Variants in TENM2 observed in about 807,000 individuals in gnomAD.
TENM2 encodes the protein teneurin-2.
In TENM2, 52 loss-of-function variants were observed where a neutral mutation model predicts 245.2. That is an observed-to-expected ratio of 0.21 (90% CI 0.17 to 0.27). The LOEUF is 0.27. Among genes scored for constraint, TENM2 ranks in the 10% least tolerant of loss-of-function variants. The pLI is 1.00. For missense variants in TENM2, 3,046 were observed against 3,666.8 expected, an observed-to-expected ratio of 0.83 and a Z score of 4.37; for synonymous variants, 1,363 against 1,438.9, an observed-to-expected ratio of 0.95 and a Z score of 1.19.
intron 2 of TENM2, among the ~76,000 whole-genome samples, chr5:167,532,871 A>T (rs1771612415): frequency 6.6e-6 from 1 of 150,392 alleles, no homozygotes; most frequent in Admixed American, 6.7e-5. Flanking sequence ...GTATAATCTA[A>T]TCTAGATGAT....
chr5:167,168,651 T>C, the TENM2 span, among the ~76,000 whole-genome samples: 1 of 152,232 alleles, frequency 6.6e-6, no homozygotes, highest in Non-Finnish European at 1.5e-5. Flanking sequence ...TGGAAGGAAC[T>C]TTGCTTCTTT....
chr5:168,204,613 G>A (rs560168744), exon 19 of TENM2: 411 of 1,613,506 alleles, frequency 2.5e-4, no homozygotes, highest in Non-Finnish European at 3.3e-4. Flanking sequence ...CCAGCATCTT[G>A]GAGTTACGGT....
chr5:167,951,049 T>C (rs940970334), intron 3 of TENM2, among the ~76,000 whole-genome samples: 1 of 152,202 alleles, frequency 6.6e-6, no homozygotes, highest in African/African-American at 2.4e-5. Flanking sequence ...TTCCTCCACA[T>C]TTTTCCTTCT....
chr5:167,090,688 A>G, the TENM2 span, among the ~76,000 whole-genome samples: 6 of 152,194 alleles, frequency 3.9e-5, no homozygotes, highest in Non-Finnish European at 4.4e-5. Context: ...TGCCCATTAC[A>G]TTTCGTGAAA....
intron 2 of TENM2, among the ~76,000 whole-genome samples, chr5:167,823,398 GCACACACAGA>G (rs1225951315): frequency 1.3e-5 from 2 of 151,942 alleles, no homozygotes; most frequent in Admixed American, 1.3e-4. Context: ...TCACACACAC[GCACACACAGA>G]CACACACAAT....
intron 2 of TENM2, among the ~76,000 whole-genome samples, chr5:167,686,582 T>G (rs986335057): frequency 1.4e-4 from 22 of 152,190 alleles, no homozygotes; most frequent in African/African-American, 4.8e-4. Flanking sequence ...TGAGGCCTGA[T>G]GTGTTTCTAT....
chr5:167,207,330 G>T, the TENM2 span, among the ~76,000 whole-genome samples: 2 of 152,180 alleles, frequency 1.3e-5, no homozygotes, highest in South Asian at 2.1e-4. Context: ...GAAAGAGAAC[G>T]CATGAGTATA....
At chr5:167,006,148 T>C in the TENM2 span, among the ~76,000 whole-genome samples, 2 of 151,988 alleles carry the variant, frequency 1.3e-5, no homozygotes, top group East Asian at 1.9e-4. Context: ...AACCCTAAAA[T>C]TGCACGCACA....
At chr5:167,804,873 A>C (rs554814416) in intron 2 of TENM2, among the ~76,000 whole-genome samples, 88 of 152,340 alleles carry the variant, frequency 5.8e-4, no homozygotes, top group Middle Eastern at 6.8e-3. Context: ...CAGCTACCCC[A>C]AAATGGCAGG....
At chr5:167,523,491 A>G (rs1381361331) in intron 2 of TENM2, among the ~76,000 whole-genome samples, 2 of 152,028 alleles carry the variant, frequency 1.3e-5, no homozygotes, top group South Asian at 4.2e-4. Flanking sequence ...ATATCAGGGG[A>G]TTTTACACAT....
the TENM2 span, among the ~76,000 whole-genome samples, chr5:167,157,926 A>G: frequency 6.6e-6 from 1 of 152,240 alleles, no homozygotes; most frequent in Non-Finnish European, 1.5e-5. Flanking sequence ...GTACAATGAG[A>G]AAGAAGAGAA....
At chr5:167,124,897 C>T in the TENM2 span, among the ~76,000 whole-genome samples, 1 of 152,270 alleles carries the variant, frequency 6.6e-6, no homozygotes, top group African/African-American at 2.4e-5. Context: ...CAGCAACGTT[C>T]TACAGAGACT....
intron 2 of TENM2, among the ~76,000 whole-genome samples, chr5:167,624,500 T>A (rs1778378792): frequency 6.6e-6 from 1 of 152,168 alleles, no homozygotes. Flanking sequence ...TTATACCCCA[T>A]ATCTCAGCAT....
intron 2 of TENM2, among the ~76,000 whole-genome samples, chr5:167,402,319 A>G (rs1273558330): frequency 6.6e-6 from 1 of 152,014 alleles, no homozygotes; most frequent in Non-Finnish European, 1.5e-5. Context: ...AGGTAAAATC[A>G]TAATCATAGG....
At chr5:167,608,735 C>CA (rs1359573622) in intron 2 of TENM2, among the ~76,000 whole-genome samples, 7 of 151,404 alleles carry the variant, frequency 4.6e-5, no homozygotes, top group South Asian at 2.1e-4. Context: ...TACAGATTTG[C>CA]AAAAAAAACA....
At chr5:167,872,073 G>A (rs1772874052) in intron 2 of TENM2, among the ~76,000 whole-genome samples, 2 of 151,892 alleles carry the variant, frequency 1.3e-5, no homozygotes, top group Admixed American at 6.6e-5. Context: ...GCAGGTGGAG[G>A]CTTGAGCTCA....
chr5:167,669,864 T>C (rs1006613344), intron 2 of TENM2, among the ~76,000 whole-genome samples: 7 of 149,976 alleles, frequency 4.7e-5, no homozygotes, highest in Non-Finnish European at 4.5e-5. Flanking sequence ...CTTTTGAGGT[T>C]TTTTTTTTTA....
intron 2 of TENM2, among the ~76,000 whole-genome samples, chr5:167,506,799 T>C (rs1769583505): frequency 6.6e-6 from 1 of 152,246 alleles, no homozygotes; most frequent in Admixed American, 6.5e-5. Context: ...GTATCATTCA[T>C]GAATGACACA....
At chr5:167,708,162 A>G (rs1432757139) in intron 2 of TENM2, among the ~76,000 whole-genome samples, 2 of 152,132 alleles carry the variant, frequency 1.3e-5, no homozygotes, top group African/African-American at 2.4e-5. Context: ...TTATAATGTC[A>G]TGACATCTGG....
Sources: gnomAD v4.1 joint callset for allele counts (sites outside exome capture counted in the v4.1 genomes callset) on GRCh38, gnomAD v4.1.1 for gene constraint, MANE v1.5 for transcripts, NCBI Gene and HGNC (gene_info 2026-07-23, HGNC 2026-07-21) for gene names.